RNF6: variants seen among roughly 807,000 people sequenced by gnomAD.
RNF6 encodes ring finger protein 6.
RNF6 carries 21 observed loss-of-function variants against 50.1 expected under a neutral mutation model. That is an observed-to-expected ratio of 0.42 (90% CI 0.30 to 0.60). RNF6 has a LOEUF of 0.60. Among genes scored for constraint, RNF6 ranks in the 20% least tolerant of loss-of-function variants. The pLI is 0.20. For missense variants in RNF6, 698 were observed against 838.2 expected (o/e 0.83, Z 2.07); for synonymous variants, 255 against 291.8 (o/e 0.87, Z 1.29).
At chr13:26,217,167 T>G (rs959753312) in intron 4 of RNF6, among the ~76,000 whole-genome samples, 1 of 152,208 alleles carries the variant, frequency 6.6e-6, no homozygotes, top group Non-Finnish European at 1.5e-5. Context: ...CACTGAAACA[T>G]ATTCAAAAGA....
chr13:26,141,800 C>A (rs532785539), intron 5 of RNF6, among the ~76,000 whole-genome samples: 1 of 152,030 alleles, frequency 6.6e-6, no homozygotes, highest in African/African-American at 2.4e-5. Context: ...CTAGGACATA[C>A]CTTTCTGGAC....
intron 5 of RNF6, among the ~76,000 whole-genome samples, chr13:26,160,868 C>A (rs1306215469): frequency 6.6e-6 from 1 of 152,120 alleles, no homozygotes; most frequent in Non-Finnish European, 1.5e-5. Flanking sequence ...GGCATGCATG[C>A]TCCTGGTGTC....
chr13:26,165,963 G>A (rs1872430914), intron 5 of RNF6, among the ~76,000 whole-genome samples: 1 of 152,158 alleles, frequency 6.6e-6, no homozygotes. Flanking sequence ...TGAAATGTGA[G>A]GACATGAGAT....
intron 5 of RNF6, among the ~76,000 whole-genome samples, chr13:26,146,162 T>A (rs995116232): frequency 6.6e-6 from 1 of 152,168 alleles, no homozygotes; most frequent in Non-Finnish European, 1.5e-5. Flanking sequence ...AGGCTATAGA[T>A]CCCTTTGGGG....
intron 5 of RNF6, among the ~76,000 whole-genome samples, chr13:26,188,041 A>G (rs1177062862): frequency 6.6e-6 from 1 of 152,182 alleles, no homozygotes; most frequent in Non-Finnish European, 1.5e-5. Flanking sequence ...ATGGACTTGA[A>G]CCTGTTAATA....
At chr13:26,137,391 T>A (rs891751033) in intron 5 of RNF6, among the ~76,000 whole-genome samples, 1 of 152,056 alleles carries the variant, frequency 6.6e-6, no homozygotes, top group Non-Finnish European at 1.5e-5. Flanking sequence ...GCCCATTATA[T>A]TACTTAAAAT....
chr13:26,171,399 G>A (rs578195977), intron 5 of RNF6, among the ~76,000 whole-genome samples: 38 of 152,244 alleles, frequency 2.5e-4, no homozygotes, highest in African/African-American at 9.1e-4. Flanking sequence ...ACAGAAAATA[G>A]CAAGTGTTCA....
intron 5 of RNF6, among the ~76,000 whole-genome samples, chr13:26,189,091 G>A (rs1421372863): frequency 6.6e-6 from 1 of 152,098 alleles, no homozygotes; most frequent in African/African-American, 2.4e-5. Context: ...CACTTTGGGA[G>A]GCCGAGGCAG....
chr13:26,202,397 AATTAAG>A (rs2137710616), intron 5 of RNF6, among the ~76,000 whole-genome samples: 1 of 152,348 alleles, frequency 6.6e-6, no homozygotes, highest in South Asian at 2.1e-4. Context: ...GAGAGGATCA[AATTAAG>A]ATCATAATTA....
chr13:26,168,729 T>C (rs1470370994), intron 5 of RNF6, among the ~76,000 whole-genome samples: 2 of 152,240 alleles, frequency 1.3e-5, no homozygotes, highest in African/African-American at 4.8e-5. Context: ...AGGCAGACTC[T>C]GGCCAGGCAT....
intron 5 of RNF6, among the ~76,000 whole-genome samples, chr13:26,206,551 T>C (rs914429734): frequency 2.6e-5 from 4 of 152,210 alleles, no homozygotes; most frequent in Non-Finnish European, 5.9e-5. Flanking sequence ...CATTGTGGGT[T>C]ATATGGGTTA....
In RNF6 at chr13:26,219,528, T is replaced by C. The variant is rs770047682; in HGVS notation, c.122A>G (p.Tyr41Cys). Residue 41 changes from tyrosine to cysteine, a missense_variant, in exon 3 of 5, where the codon TAT becomes TGT. Transcript: ENST00000381588. ...QERLHREEAYYQFINELNDED... is the reference protein window; with the variant it reads ...QERLHREEAYCQFINELNDED... ...ATCATTGAGTTCATTAATAAACTGATAATAGGCCTCTTCTCTGTGGAGACG... is the reference window on the plus strand; with the variant it reads ...ATCATTGAGTTCATTAATAAACTGACAATAGGCCTCTTCTCTGTGGAGACG... The C allele has an allele frequency of 3.1e-6, 5 of 1,613,990 alleles. No individual in the cohort carries two copies. The highest frequency in any genetic ancestry group is 1.7e-5 in the Admixed American group (1 of 60,012).
At chr13:26,176,315 G>T (rs770574930) in intron 5 of RNF6, among the ~76,000 whole-genome samples, 28 of 151,984 alleles carry the variant, frequency 1.8e-4, no homozygotes, top group Non-Finnish European at 3.7e-4. Flanking sequence ...AGAGAGACAG[G>T]GTCTTGCTCT....
At chr13:26,165,249 T>G (rs1209336534) in intron 5 of RNF6, among the ~76,000 whole-genome samples, 1 of 152,166 alleles carries the variant, frequency 6.6e-6, no homozygotes, top group Non-Finnish European at 1.5e-5. Flanking sequence ...AGCCTGCCAG[T>G]GCACCGAAGT....
intron 5 of RNF6, among the ~76,000 whole-genome samples, chr13:26,171,445 G>A (rs937750868): frequency 4.6e-5 from 7 of 152,150 alleles, no homozygotes; most frequent in Non-Finnish European, 8.8e-5. Context: ...TTGTGCATTG[G>A]TGGGAACGTA....
At chr13:26,190,122 C>A (rs558279182) in intron 5 of RNF6, among the ~76,000 whole-genome samples, 3 of 152,072 alleles carry the variant, frequency 2.0e-5, no homozygotes, top group South Asian at 2.1e-4. Context: ...AGAAACCGAT[C>A]GAATGTGGTT....
At position 26,218,660 on chromosome 13, in the gene RNF6, C is replaced by T. The variant is rs1431041990; in HGVS notation, c.194-54G>A. The stretch of plus-strand genomic sequence containing the variant: ...GAATTCTGAATTAAGTTTTATGAGA[C>T]CTCATGAAGGGTAAGACTAATCTTT... On this transcript the variant is annotated intron_variant, in intron 3 of 4. Coordinates refer to ENST00000381588, the MANE Select transcript of RNF6 (RefSeq NM_005977.4). The T allele has an allele frequency of 7.4e-6, 10 of 1,354,036 alleles. No individual in the cohort carries two copies. The East Asian group carries it at 1.4e-4, about 19-fold the overall frequency. 83.9% of individuals were successfully genotyped at this position (1,354,036 alleles called of 1,614,324 possible). A position where few individuals can be genotyped will look rare whatever the true frequency, so the allele number is the denominator to read the frequency against.
At chr13:26,177,061 C>T (rs513289) in intron 5 of RNF6, among the ~76,000 whole-genome samples, 41,098 of 152,056 alleles carry the variant, frequency 0.27, 6,335 homozygotes, top group African/African-American at 0.42. Flanking sequence ...AAGGAAAGAT[C>T]GGCGGGGACC....
intron 5 of RNF6, among the ~76,000 whole-genome samples, chr13:26,201,345 C>T (rs1868890674): frequency 6.6e-6 from 1 of 152,214 alleles, no homozygotes; most frequent in Non-Finnish European, 1.5e-5. Flanking sequence ...TACATTTGTA[C>T]ACTAGTGAAG....
Sources: allele counts gnomAD v4.1 joint callset (sites outside exome capture counted in the v4.1 genomes callset), GRCh38; gene constraint gnomAD v4.1.1; transcripts MANE v1.5; gene names NCBI Gene and HGNC (gene_info 2026-07-23, HGNC 2026-07-21).